The following LY75 variants were observed in gnomAD, a reference collection of about 807,000 sequenced individuals.
LY75 encodes lymphocyte antigen 75.
Under a neutral mutation model 231.7 loss-of-function variants are expected in LY75, and 185 were observed. That is an observed-to-expected ratio of 0.80 (90% CI 0.71 to 0.90). The LOEUF (loss-of-function observed/expected upper bound fraction) is 0.90. Among genes scored for constraint, LY75 ranks in the 40% least tolerant of loss-of-function variants. The pLI, the probability that LY75 is intolerant of heterozygous loss-of-function variation, is 0.00. For synonymous variants in LY75, 668 were observed against 689.0 expected, an observed-to-expected ratio of 0.97 and a Z score of 0.48; for missense variants, 1,947 against 2,050.2, an observed-to-expected ratio of 0.95 and a Z score of 0.97.
At chr2:159,808,268 A>T (rs1682847759) in intron 33 of LY75, 181 bp downstream of exon 33, 2 of 778,400 alleles carry the variant, frequency 2.6e-6, no homozygotes, top group African/African-American at 1.9e-5. Context: ...CGTCATTGCT[A>T]AGTTAACTCA....
chr2:159,891,872 CT>C (rs1358280403), intron 3 of LY75, among the ~76,000 whole-genome samples: 1 of 152,226 alleles, frequency 6.6e-6, no homozygotes, highest in Non-Finnish European at 1.5e-5. Flanking sequence ...TCTAAGCAAA[CT>C]TTCACATCTA....
At chr2:159,853,593 A>G (rs549365387) in intron 19 of LY75, 37 bp downstream of exon 19, 1 of 1,612,638 alleles carries the variant, frequency 6.2e-7, no homozygotes, top group Admixed American at 1.7e-5. Context: ...CTTTTAAGTG[A>G]TAACTTTACA....
intron 2 of LY75, 122 bp downstream of exon 2, chr2:159,898,566 G>A (rs956522647): frequency 2.1e-6 from 3 of 1,456,554 alleles, no homozygotes; most frequent in Non-Finnish European, 1.8e-6. Flanking sequence ...GTGCCTGGAA[G>A]TGAAGAGCTT....
At chr2:159,880,688 C>A (rs953522629) in intron 8 of LY75, among the ~76,000 whole-genome samples, 1 of 152,202 alleles carries the variant, frequency 6.6e-6, no homozygotes, top group Non-Finnish European at 1.5e-5. Flanking sequence ...TGTTGCCAAC[C>A]TTTGACACCA....
chr2:159,842,404 A>G, intron 23 of LY75, 30 bp from the exon 24 acceptor site: 1 of 1,594,692 alleles, frequency 6.3e-7, no homozygotes, highest in Non-Finnish European at 8.6e-7. Flanking sequence ...CATACATGCA[A>G]TCATGTAACA....
chr2:159,853,553 T>C (rs1684465598), intron 19 of LY75, 77 bp downstream of exon 19: 10 of 1,597,272 alleles, frequency 6.3e-6, no homozygotes, highest in Non-Finnish European at 8.6e-6. Context: ...TACTTATAAA[T>C]AGAAATCCAT....
intron 25 of LY75, among the ~76,000 whole-genome samples, chr2:159,840,480 G>A (rs1433154742): frequency 6.6e-6 from 1 of 152,154 alleles, no homozygotes; most frequent in African/African-American, 2.4e-5. Context: ...GCTGAGGTGG[G>A]AGGATCGCTT....
chr2:159,893,376 CCT>C (rs1226785919), intron 3 of LY75, among the ~76,000 whole-genome samples: 3 of 152,184 alleles, frequency 2.0e-5, no homozygotes, highest in Non-Finnish European at 2.9e-5. Flanking sequence ...AAGCCAATCC[CCT>C]CTGTTCAACG....
Position 159,879,291 on chromosome 2 carries a change from C to T in LY75, c.1483G>A (p.Ala495Thr), listed in dbSNP as rs114320498. Residue 495 changes from alanine (A) to threonine (T), a missense_variant, in exon 9 of 35, where the codon GCA becomes ACA. By Grantham distance (58) the Ala-to-Thr change is moderately conservative. Coordinates refer to ENST00000263636, the MANE Select transcript of LY75 (RefSeq NM_002349.4). The part of the protein sequence containing the change: ...CKRKGEKLND[A>T]SSDKMCPPDE... The stretch of plus-strand genomic sequence containing the variant: ...GGAGGACACATCTTATCAGAACTTG[C>T]GTCATTCAGTTTTTCTCCCTTTCTC... 358 of 1,613,580 alleles carry T rather than the reference C, an allele frequency of 2.2e-4. No homozygotes were observed. In the African/African-American group the frequency reaches 3.7e-3, roughly 17 times the overall value.
chr2:159,867,182 T>C (rs1013652625), intron 13 of LY75, among the ~76,000 whole-genome samples: 1 of 152,222 alleles, frequency 6.6e-6, no homozygotes, highest in African/African-American at 2.4e-5. Context: ...AAAGTTTCAT[T>C]TGAACACAGA....
Position 159,817,033 on chromosome 2 carries a change from C to T in LY75, c.4154-1G>A. The T allele has an allele frequency of 6.3e-7, 1 of 1,587,932 alleles. No homozygotes were observed. The highest frequency in any genetic ancestry group is 8.6e-7 in the Non-Finnish European group (1 of 1,165,992). On this transcript the variant is annotated splice_acceptor_variant, in intron 29 of 34. Coordinates refer to ENST00000263636, the MANE Select transcript of LY75 (RefSeq NM_002349.4). LOFTEE classifies it high-confidence loss of function. ...GTATTATATTCTTCTTTGTAGTCAA[C>T]TATAATAATTAAAAGCACTGGTGAT...
intron 25 of LY75, among the ~76,000 whole-genome samples, chr2:159,837,468 A>T (rs1683868180): frequency 6.6e-6 from 1 of 152,228 alleles, no homozygotes; most frequent in South Asian, 2.1e-4. Context: ...AAAGATGGGC[A>T]TGATATTGTC....
intron 21 of LY75, among the ~76,000 whole-genome samples, chr2:159,850,799 T>TATATATATATATATA (rs1491206351): frequency 3.8e-5 from 4 of 105,382 alleles, no homozygotes; most frequent in African/African-American, 1.2e-4. Context: ...TATATATATA[T>TATATATATATATATA]TATATCTTAT....
At chr2:159,903,802 C>T (rs1686150378) in intron 1 of LY75, among the ~76,000 whole-genome samples, 1 of 152,138 alleles carries the variant, frequency 6.6e-6, no homozygotes, top group African/African-American at 2.4e-5. Context: ...TAAAAGCAAC[C>T]GGTTGCTGCC....
intron 15 of LY75, among the ~76,000 whole-genome samples, chr2:159,858,882 A>G (rs1419339469): frequency 6.6e-6 from 1 of 152,192 alleles, no homozygotes; most frequent in Non-Finnish European, 1.5e-5. Context: ...CCTTCTCCAC[A>G]TGGTCCAGGA....
chr2:159,829,327 A>G (rs996577027), intron 28 of LY75, among the ~76,000 whole-genome samples: 8 of 152,180 alleles, frequency 5.3e-5, no homozygotes, highest in Non-Finnish European at 8.8e-5. Flanking sequence ...CAAAGTTATC[A>G]ATTTTCTGAC....
intron 27 of LY75, among the ~76,000 whole-genome samples, chr2:159,833,621 CA>C (rs1560072128): frequency 6.6e-6 from 1 of 152,056 alleles, no homozygotes; most frequent in African/African-American, 2.4e-5. Flanking sequence ...ATTTATAACA[CA>C]GGAAATATTT....
At chr2:159,874,903 A>T (rs1177023599) in intron 12 of LY75, among the ~76,000 whole-genome samples, 3 of 134,348 alleles carry the variant, frequency 2.2e-5, no homozygotes, top group African/African-American at 8.2e-5. Context: ...ATATATAAAC[A>T]TATATATTTT....
chr2:159,806,701 G>T (rs1210581071), intron 34 of LY75, among the ~76,000 whole-genome samples: 4 of 152,092 alleles, frequency 2.6e-5, no homozygotes, highest in African/African-American at 9.7e-5. Context: ...CATTTTAAAA[G>T]AAATTACTTC....
Sources: allele counts gnomAD v4.1 joint callset (sites outside exome capture counted in the v4.1 genomes callset), GRCh38; gene constraint gnomAD v4.1.1; transcripts MANE v1.5; gene names NCBI Gene and HGNC (gene_info 2026-07-23, HGNC 2026-07-21).